MYPN: variants seen among roughly 807,000 people sequenced by gnomAD.
The protein encoded by MYPN is myopalladin.
MYPN carries 63 observed loss-of-function variants against 129.4 expected under a neutral mutation model. The observed-to-expected ratio is 0.49, with a 90% CI of 0.40 to 0.60. The LOEUF is 0.60. Ranked by LOEUF, MYPN falls within the 20% of genes least tolerant of loss-of-function variation. MYPN has a pLI of 0.00. For synonymous variants in MYPN, 629 were observed against 600.9 expected (o/e 1.05, Z -0.68); for missense variants, 1,596 against 1,635.4 (o/e 0.98, Z 0.42).
In MYPN at chr10:68,166,544, G is replaced by T. The variant is rs751087472; in HGVS notation, c.1851G>T (p.Val617=). The change falls in exon 10 of 20, where the codon GTG becomes GTT. Residue 617 remains valine (V), a synonymous_variant. Coordinates refer to ENST00000358913, the MANE Select transcript of MYPN (RefSeq NM_032578.4). ...KGSEASSEAG[V]VTTRQTRPDS... ...GTGAAGCATCCTCCGAGGCTGGTGTGGTGACCACCAGACAGACCAGGCCCG... is the reference window on the plus strand; with the variant it reads ...GTGAAGCATCCTCCGAGGCTGGTGTTGTGACCACCAGACAGACCAGGCCCG... 1.2e-6 allele frequency: 2 copies of T among 1,614,044 alleles called. No homozygotes were observed. The highest frequency in any genetic ancestry group is 1.7e-6 in the Non-Finnish European group (2 of 1,180,036).
intron 2 of MYPN, among the ~76,000 whole-genome samples, chr10:68,130,324 G>C (rs2042390393): frequency 6.6e-6 from 1 of 152,062 alleles, no homozygotes; most frequent in African/African-American, 2.4e-5. Context: ...GCCAGGCGTG[G>C]TGGCGGGCAC....
At chr10:68,099,895 A>C (rs1384568667) in intron 1 of MYPN, among the ~76,000 whole-genome samples, 1 of 152,108 alleles carries the variant, frequency 6.6e-6, no homozygotes, top group Non-Finnish European at 1.5e-5. Context: ...ATGCATTACT[A>C]ATGAGTGTGC....
intron 2 of MYPN, among the ~76,000 whole-genome samples, chr10:68,133,186 C>T (rs1392504231): frequency 2.0e-5 from 3 of 151,932 alleles, no homozygotes; most frequent in Non-Finnish European, 4.4e-5. Flanking sequence ...CCATCATGCC[C>T]AGCTAATTTT....
intron 2 of MYPN, among the ~76,000 whole-genome samples, chr10:68,132,210 T>C (rs899205137): frequency 6.6e-6 from 1 of 152,214 alleles, no homozygotes; most frequent in Non-Finnish European, 1.5e-5. Context: ...GAAAGGATGT[T>C]GAATTTTTTC....
chr10:68,189,237 T>A, intron 13 of MYPN, 111 bp downstream of exon 13: 2 of 784,044 alleles, frequency 2.6e-6, no homozygotes, highest in East Asian at 2.6e-5. Context: ...TTTTTGTATT[T>A]GTTATTGATA....
rs1179276163 is a variant in MYPN, at chr10:68,123,379, C to T, written c.902+1039C>T. On this transcript the variant is annotated intron_variant, in intron 2 of 19. Coordinates refer to ENST00000358913, the MANE Select transcript of MYPN (RefSeq NM_032578.4). The stretch of plus-strand genomic sequence containing the variant: ...GGGCTACAGAGCGGAGGCTCCATCT[C>T]AAAATGAGTAAATTAGGCCTGGCGC... 4.5e-5 allele frequency among the ~76,000 whole-genome samples: 6 copies of T among 133,964 alleles called. No homozygotes were observed. The East Asian group carries it at 1.4e-3, about 32-fold the overall frequency. The allele number at this position is 133,964 out of a possible 152,430, so 87.9% of individuals were successfully genotyped here. A position where few individuals can be genotyped will look rare whatever the true frequency, so the allele number is the denominator to read the frequency against.
At chr10:68,178,363 G>T (rs2043260681) in intron 12 of MYPN, among the ~76,000 whole-genome samples, 1 of 152,096 alleles carries the variant, frequency 6.6e-6, no homozygotes, top group Admixed American at 6.6e-5. Flanking sequence ...ATCTTGACTG[G>T]ACATCAATAA....
intron 1 of MYPN, among the ~76,000 whole-genome samples, chr10:68,089,404 C>T (rs768190595): frequency 6.6e-5 from 10 of 152,050 alleles, no homozygotes; most frequent in East Asian, 1.9e-4. Flanking sequence ...TGCAGTGGCG[C>T]GATCTCGGCT....
At chr10:68,127,379 T>G (rs188113871) in intron 2 of MYPN, among the ~76,000 whole-genome samples, 24 of 119,198 alleles carry the variant, frequency 2.0e-4, no homozygotes, top group African/African-American at 7.7e-4. Flanking sequence ...CAGGCTGAAG[T>G]GCTGGAGTGC....
At chr10:68,123,104 G>A (rs917263760) in intron 2 of MYPN, among the ~76,000 whole-genome samples, 6 of 152,154 alleles carry the variant, frequency 3.9e-5, no homozygotes, top group African/African-American at 1.4e-4. Flanking sequence ...GCCGGGCGCA[G>A]TGGCTCCAGC....
intron 18 of MYPN, 148 bp downstream of exon 18, chr10:68,202,142 T>G (rs1017874723): frequency 1.8e-6 from 2 of 1,087,932 alleles, no homozygotes; most frequent in African/African-American, 3.1e-5. Context: ...GTATTAAGAA[T>G]GTATTCCTGG....
In MYPN at chr10:68,201,822, T is replaced by A. The variant is rs764756548; in HGVS notation, c.3494-7T>A. 6.2e-7 allele frequency: 1 copy of A among 1,613,416 alleles called. No homozygotes were observed. The highest frequency in any genetic ancestry group is 1.7e-5 in the Admixed American group (1 of 59,958). ...AAGAAAAAAAGAATGACCCTTCTCT[T>A]GCTCAGCCAAAGAGGTGAAGAAAGC... is the stretch of plus-strand genomic sequence containing the variant. On this transcript the variant is annotated splice_polypyrimidine_tract_variant and splice_region_variant and intron_variant, in intron 17 of 19. Transcript: ENST00000358913.
At chr10:68,096,744 G>A (rs1014319307) in intron 1 of MYPN, among the ~76,000 whole-genome samples, 8 of 152,020 alleles carry the variant, frequency 5.3e-5, no homozygotes, top group Non-Finnish European at 8.8e-5. Flanking sequence ...TGCATTCAAC[G>A]GTAGTCTATT....
intron 6 of MYPN, 88 bp downstream of exon 6, chr10:68,150,199 C>T: frequency 8.1e-7 from 1 of 1,238,520 alleles, no homozygotes. Flanking sequence ...TCATTTTTAT[C>T]TCAGGATTTG....
chr10:68,139,088 G>T (rs939141772), intron 2 of MYPN, among the ~76,000 whole-genome samples: 1 of 152,070 alleles, frequency 6.6e-6, no homozygotes, highest in African/African-American at 2.4e-5. Context: ...TCTTCCTCCT[G>T]CTCCAACATG....
At chr10:68,197,848 A>AT (rs143819338) in intron 16 of MYPN, among the ~76,000 whole-genome samples, 4,782 of 152,100 alleles carry the variant, frequency 0.031, 269 homozygotes, top group African/African-American at 0.11. Context: ...TATATATACT[A>AT]TTTTTTAAAG....
At chr10:68,136,731 G>A in intron 2 of MYPN, 1 of 1,534,674 alleles carries the variant, frequency 6.5e-7, no homozygotes, top group Non-Finnish European at 8.7e-7. Context: ...CTCTCATTTT[G>A]GTAAGGACGA....
chr10:68,152,987 T>C (rs982729583), intron 6 of MYPN, among the ~76,000 whole-genome samples: 1 of 150,628 alleles, frequency 6.6e-6, no homozygotes, highest in African/African-American at 2.5e-5. Context: ...ATTTATTTTA[T>C]TTTATTTTAT....
Position 68,142,939 on chromosome 10 carries a change from G to A in MYPN, c.903-1G>A, listed in dbSNP as rs1419987651. ...CAATGACCATATCCTTTTCCCTGCAGGTGGTACTGTGAAGGCAAGGAGCTT... is the reference window on the plus strand; with the variant it reads ...CAATGACCATATCCTTTTCCCTGCAAGTGGTACTGTGAAGGCAAGGAGCTT... On this transcript the variant is annotated splice_acceptor_variant, in intron 2 of 19. Transcript: ENST00000358913. LOFTEE classifies it high-confidence loss of function. The A allele has an allele frequency of 6.2e-7, 1 of 1,614,054 alleles. No individual in the cohort carries two copies. Among genetic ancestry groups the A allele is most frequent in the Non-Finnish European group, 8.5e-7 (1 of 1,179,932 alleles).
Sources: allele counts gnomAD v4.1 joint callset (sites outside exome capture counted in the v4.1 genomes callset), GRCh38; gene constraint gnomAD v4.1.1; transcripts MANE v1.5; gene names NCBI Gene and HGNC (gene_info 2026-07-23, HGNC 2026-07-21).